Variants in COL5A2 observed in about 807,000 individuals in gnomAD.
COL5A2 encodes the protein collagen alpha-2(V) chain.
A neutral mutation model predicts 208.2 loss-of-function variants in COL5A2; 23 were observed. The ratio of observed to expected loss-of-function variants is 0.11; its 90% CI spans 0.08 to 0.16. The LOEUF (loss-of-function observed/expected upper bound fraction) is 0.16, where lower values mean the gene tolerates loss of function less well. Ranked by LOEUF, COL5A2 falls within the 10% of genes least tolerant of loss-of-function variation. COL5A2 has a pLI of 1.00. For missense variants in COL5A2, 1,590 were observed against 1,956.4 expected, an observed-to-expected ratio of 0.81 and a Z score of 3.53; for synonymous variants, 625 against 628.5, an observed-to-expected ratio of 0.99 and a Z score of 0.08.
chr2:189,395,898 CAAAAAAAAAAAAA>C, the COL5A2 span, among the ~76,000 whole-genome samples: 4 of 53,210 alleles, frequency 7.5e-5, no homozygotes, highest in Admixed American at 3.5e-4. Context: ...GGACACATCT[CAAAAAAAAAAAAA>C]AAAAAAAAAA....
At position 189,219,035 on chromosome 2, in the gene COL5A2, T is replaced by TC. The variant is rs529328268; in HGVS notation, c.-42+6112_-42+6113insG. ...TGATTTACCTTACCCTGGCATAGTC[T>TC]GGTACTTTCAGAGCAAACAATCCAC... On this transcript the variant is annotated intron_variant, in intron 1 of 10. Coordinates refer to the COL5A2 transcript ENST00000649966. 1.1e-4 allele frequency among the ~76,000 whole-genome samples: 16 copies of TC among 152,314 alleles called. No individual in the cohort carries two copies. In the East Asian group the frequency reaches 2.9e-3, roughly 28 times the overall value.
chr2:189,420,738 G>C, the COL5A2 span, among the ~76,000 whole-genome samples: 1 of 152,072 alleles, frequency 6.6e-6, no homozygotes, highest in Non-Finnish European at 1.5e-5. Flanking sequence ...AAGGCAGAAA[G>C]ACTATTCCTT....
chr2:189,361,905 A>G, the COL5A2 span, among the ~76,000 whole-genome samples: 1 of 152,092 alleles, frequency 6.6e-6, no homozygotes. Flanking sequence ...GCACTTTAAT[A>G]CCATTCTCCC....
chr2:189,354,837 G>C, the COL5A2 span, among the ~76,000 whole-genome samples: 1 of 152,026 alleles, frequency 6.6e-6, no homozygotes, highest in Non-Finnish European at 1.5e-5. Flanking sequence ...GAATTTGTTT[G>C]TTCTTGCTTC....
At chr2:189,145,094 T>C (rs1405734608) in intron 1 of COL5A2, among the ~76,000 whole-genome samples, 3 of 152,148 alleles carry the variant, frequency 2.0e-5, no homozygotes, top group Non-Finnish European at 1.5e-5. Context: ...CCTATATGTA[T>C]GAAACAGTAG....
the COL5A2 span, among the ~76,000 whole-genome samples, chr2:189,288,389 C>CT: frequency 5.3e-5 from 8 of 152,172 alleles, no homozygotes; most frequent in South Asian, 1.7e-3. Context: ...GATTGTATAG[C>CT]TTTAAAAAGC....
the COL5A2 span, among the ~76,000 whole-genome samples, chr2:189,423,441 A>G: frequency 6.6e-6 from 1 of 152,018 alleles, no homozygotes; most frequent in Non-Finnish European, 1.5e-5. Context: ...AATTTTTTTA[A>G]TGAAGAGTTA....
chr2:189,155,750 C>T (rs907040091), intron 1 of COL5A2, among the ~76,000 whole-genome samples: 8 of 152,146 alleles, frequency 5.3e-5, no homozygotes, highest in South Asian at 2.1e-4. Context: ...GCACAAACCT[C>T]GTGATTTAAA....
At chr2:189,227,509 C>A (rs1689435742), upstream of COL5A2, among the ~76,000 whole-genome samples, 1 of 151,780 alleles carries the variant, frequency 6.6e-6, no homozygotes, top group Non-Finnish European at 1.5e-5. Context: ...GCACAAATAA[C>A]AAAAGAATGG....
At chr2:189,216,807 G>A (rs561536292) in intron 1 of COL5A2, among the ~76,000 whole-genome samples, 2 of 152,132 alleles carry the variant, frequency 1.3e-5, no homozygotes, top group African/African-American at 4.8e-5. Context: ...CCTCAACATT[G>A]TCTTTGGACA....
chr2:189,326,096 CAAAAA>C, the COL5A2 span, among the ~76,000 whole-genome samples: 5 of 96,840 alleles, frequency 5.2e-5, no homozygotes, highest in Non-Finnish European at 4.4e-5. Context: ...GACCCTGTCT[CAAAAA>C]AAAAAAAAAA....
chr2:189,088,847 T>C, intron 7 of COL5A2, 75 bp from the exon 8 acceptor site: 2 of 1,088,158 alleles, frequency 1.8e-6, no homozygotes, highest in South Asian at 1.2e-5. Context: ...TGGATAAATG[T>C]ACACTCTCTA....
chr2:189,194,001 A>G (rs973503911), intron 1 of COL5A2, among the ~76,000 whole-genome samples: 1 of 152,234 alleles, frequency 6.6e-6, no homozygotes, highest in African/African-American at 2.4e-5. Context: ...TTATTTTCAT[A>G]AAATGCATCA....
chr2:189,156,065 G>A (rs1226840167), intron 1 of COL5A2, among the ~76,000 whole-genome samples: 1 of 152,022 alleles, frequency 6.6e-6, no homozygotes, highest in African/African-American at 2.4e-5. Context: ...ATTACATGGG[G>A]CCCAGCTAGT....
the COL5A2 span, among the ~76,000 whole-genome samples, chr2:189,326,887 A>G: frequency 6.6e-6 from 1 of 151,976 alleles, no homozygotes; most frequent in African/African-American, 2.4e-5. Context: ...CCTGTCCAGC[A>G]TGGTGAAACC....
intron 1 of COL5A2, among the ~76,000 whole-genome samples, chr2:189,192,833 G>T (rs994478415): frequency 1.3e-5 from 2 of 152,206 alleles, no homozygotes; most frequent in Admixed American, 6.5e-5. Context: ...AGCCATGAAG[G>T]CTCTGCCCTT....
chr2:189,168,550 A>G (rs936796216), intron 1 of COL5A2, among the ~76,000 whole-genome samples: 2 of 151,106 alleles, frequency 1.3e-5, no homozygotes, highest in African/African-American at 2.4e-5. Context: ...AAAGAATGAG[A>G]AAAAAAAAGC....
At chr2:189,239,649 T>A in the COL5A2 span, among the ~76,000 whole-genome samples, 1 of 146,618 alleles carries the variant, frequency 6.8e-6, no homozygotes, top group Non-Finnish European at 1.5e-5. Context: ...GGGATAGCAT[T>A]GGGAGATATA....
At chr2:189,079,152 C>T (rs767520080) in intron 14 of COL5A2, 45 bp from the exon 15 acceptor site, 23 of 1,393,296 alleles carry the variant, frequency 1.7e-5, no homozygotes, top group African/African-American at 8.6e-5. Flanking sequence ...AGCCTACAAC[C>T]GATACATCAC....
Sources: gnomAD v4.1 joint callset for allele counts (sites outside exome capture counted in the v4.1 genomes callset) on GRCh38, gnomAD v4.1.1 for gene constraint, MANE v1.5 for transcripts, NCBI Gene and HGNC (gene_info 2026-07-23, HGNC 2026-07-21) for gene names.